Variants in SHC4 observed in about 807,000 individuals in gnomAD.
SHC4 encodes the protein SHC adaptor protein 4.
SHC4 carries 41 observed loss-of-function variants against 69.4 expected under a neutral mutation model. The observed-to-expected ratio is 0.59, with a 90% CI of 0.46 to 0.77. SHC4 has a LOEUF of 0.77. Ranked by LOEUF, SHC4 falls within the 30% of genes least tolerant of loss-of-function variation. SHC4 has a pLI of 0.00. For missense variants in SHC4, 777 were observed against 783.8 expected (o/e 0.99, Z 0.10); for synonymous variants, 318 against 299.3 (o/e 1.06, Z -0.64).
chr15:48,932,255 C>G (rs1900980095), intron 1 of SHC4, among the ~76,000 whole-genome samples: 1 of 152,152 alleles, frequency 6.6e-6, no homozygotes, highest in African/African-American at 2.4e-5. Context: ...CTTTAGAGAA[C>G]TTAAGAATCA....
chr15:48,863,828 T>A (rs1220743931), intron 6 of SHC4, among the ~76,000 whole-genome samples: 2 of 152,244 alleles, frequency 1.3e-5, no homozygotes, highest in Non-Finnish European at 2.9e-5. Context: ...TGTTCTTTTG[T>A]GTGCTCAGGA....
intron 10 of SHC4, among the ~76,000 whole-genome samples, chr15:48,842,926 G>C (rs756944677): frequency 4.6e-5 from 7 of 151,834 alleles, no homozygotes; most frequent in Non-Finnish European, 1.0e-4. Flanking sequence ...ATGAGACCCT[G>C]CTTCAGAAAA....
chr15:48,858,602 G>C (rs1899377590), intron 6 of SHC4, among the ~76,000 whole-genome samples: 1 of 152,206 alleles, frequency 6.6e-6, no homozygotes, highest in African/African-American at 2.4e-5. Flanking sequence ...ACTGAAAGGA[G>C]GAGCTTGTGG....
intron 5 of SHC4, among the ~76,000 whole-genome samples, chr15:48,870,974 A>G (rs1183983117): frequency 1.3e-5 from 2 of 152,318 alleles, no homozygotes; most frequent in East Asian, 3.9e-4. Flanking sequence ...AATGAAAACT[A>G]CCATGGTATC....
At chr15:48,874,024 C>T (rs918694181) in intron 4 of SHC4, among the ~76,000 whole-genome samples, 1 of 152,020 alleles carries the variant, frequency 6.6e-6, no homozygotes, top group Non-Finnish European at 1.5e-5. Context: ...AATAAATGTG[C>T]AAGAACAGCT....
intron 1 of SHC4, among the ~76,000 whole-genome samples, chr15:48,945,681 G>A (rs1289435970): frequency 6.6e-6 from 1 of 151,044 alleles, no homozygotes; most frequent in African/African-American, 2.4e-5. Flanking sequence ...CACAGAGACA[G>A]GAAGTAGATT....
At chr15:48,878,564 G>A (rs755502226) in intron 4 of SHC4, 1 of 1,614,092 alleles carries the variant, frequency 6.2e-7, no homozygotes, top group Non-Finnish European at 8.5e-7. Context: ...CGCTCTTGAA[G>A]AAGCCGACAA....
At chr15:48,839,254 C>T (rs948772028) in intron 10 of SHC4, among the ~76,000 whole-genome samples, 1 of 152,148 alleles carries the variant, frequency 6.6e-6, no homozygotes, top group Non-Finnish European at 1.5e-5. Flanking sequence ...AAATGGAATC[C>T]TGCCAAGTTT....
intron 2 of SHC4, among the ~76,000 whole-genome samples, chr15:48,913,528 T>C (rs2141018084): frequency 6.6e-6 from 1 of 151,936 alleles, no homozygotes; most frequent in African/African-American, 2.4e-5. Flanking sequence ...GCTACCTGCC[T>C]CCCAGCTGCA....
At chr15:48,892,603 T>A (rs764552159) in intron 2 of SHC4, among the ~76,000 whole-genome samples, 1 of 152,110 alleles carries the variant, frequency 6.6e-6, no homozygotes, top group Non-Finnish European at 1.5e-5. Context: ...AAATAGCTAG[T>A]CCAGGCACCC....
chr15:48,958,744 T>C (rs1413210852), intron 1 of SHC4, among the ~76,000 whole-genome samples: 1 of 152,202 alleles, frequency 6.6e-6, no homozygotes, highest in Non-Finnish European at 1.5e-5. Flanking sequence ...GACCTTTAAA[T>C]GAATGTCTGC....
chr15:48,945,406 AACTT>A (rs1901257651), intron 1 of SHC4, among the ~76,000 whole-genome samples: 1 of 152,206 alleles, frequency 6.6e-6, no homozygotes, highest in Non-Finnish European at 1.5e-5. Context: ...TCTGCACAAA[AACTT>A]ACCCATGAAT....
chr15:48,869,197 A>C (rs1018034533), intron 5 of SHC4, among the ~76,000 whole-genome samples: 7 of 152,262 alleles, frequency 4.6e-5, no homozygotes, highest in African/African-American at 1.2e-4. Context: ...CTCACAATGC[A>C]CTTTTTAAGT....
rs1023897597 is a variant in SHC4, at chr15:48,876,442, C to CAT, written c.841-4302_841-4301dup. 5.6e-5 allele frequency: 18 copies of CAT among 320,016 alleles called. No homozygotes were observed. The South Asian group carries it at 6.0e-4, about 11-fold the overall frequency. 19.8% of individuals were successfully genotyped at this position (320,016 alleles called of 1,614,324 possible). The stretch of plus-strand genomic sequence containing the variant: ...AAGCACAGAACTAATGGAATATATA[C>CAT]ATATATATATACACACACACACACA... On this transcript the variant is annotated intron_variant, in intron 4 of 11. Transcript: ENST00000332408.
intron 1 of SHC4, among the ~76,000 whole-genome samples, chr15:48,956,660 C>T (rs1901458502): frequency 6.6e-6 from 1 of 152,152 alleles, no homozygotes. Flanking sequence ...CTCCATCTCT[C>T]TAAAACTTAC....
At chr15:48,863,374 T>C (rs910898737) in intron 6 of SHC4, among the ~76,000 whole-genome samples, 1 of 152,152 alleles carries the variant, frequency 6.6e-6, no homozygotes, top group African/African-American at 2.4e-5. Context: ...ATTAACAGCA[T>C]TGTGAATATT....
At chr15:48,949,278 G>C (rs765561211) in intron 1 of SHC4, among the ~76,000 whole-genome samples, 5 of 151,900 alleles carry the variant, frequency 3.3e-5, no homozygotes, top group Non-Finnish European at 7.4e-5. Context: ...GGCTGAGGCA[G>C]GAGACTGGCA....
chr15:48,880,005 T>G (rs1899909319), intron 4 of SHC4: 1 of 167,138 alleles, frequency 6.0e-6, no homozygotes, highest in African/African-American at 2.4e-5. Flanking sequence ...TCAATGAGTA[T>G]GTTGCCGTGG....
At chr15:48,862,281 A>G (rs1432756590) in intron 6 of SHC4, among the ~76,000 whole-genome samples, 5 of 151,948 alleles carry the variant, frequency 3.3e-5, no homozygotes, top group African/African-American at 1.2e-4. Context: ...TCCTATTCAC[A>G]GACTAGATTC....
Sources: allele counts gnomAD v4.1 joint callset (sites outside exome capture counted in the v4.1 genomes callset), GRCh38; gene constraint gnomAD v4.1.1; transcripts MANE v1.5; gene names NCBI Gene and HGNC (gene_info 2026-07-23, HGNC 2026-07-21).